PIWIL4: variants seen among roughly 807,000 people sequenced by gnomAD.
PIWIL4 encodes piwi like RNA-mediated gene silencing 4.
In PIWIL4, 50 loss-of-function variants were observed where a neutral mutation model predicts 100.9. The ratio of observed to expected loss-of-function variants is 0.50; its 90% CI spans 0.39 to 0.63. PIWIL4 has a LOEUF of 0.63. Among genes scored for constraint, PIWIL4 ranks in the 20% least tolerant of loss-of-function variants. PIWIL4 has a pLI of 0.00. For synonymous variants in PIWIL4, 342 were observed against 367.5 expected, an observed-to-expected ratio of 0.93 and a Z score of 0.79; for missense variants, 887 against 1,043.3, an observed-to-expected ratio of 0.85 and a Z score of 2.06.
chr11:94,592,985 G>A (rs937029812), intron 8 of PIWIL4, among the ~76,000 whole-genome samples: 2 of 152,208 alleles, frequency 1.3e-5, no homozygotes, highest in Non-Finnish European at 2.9e-5. Flanking sequence ...CTGGGGATCA[G>A]ATTCACATTT....
chr11:94,592,231 C>T (rs549063121), intron 8 of PIWIL4, among the ~76,000 whole-genome samples: 2 of 152,336 alleles, frequency 1.3e-5, no homozygotes, highest in African/African-American at 4.8e-5. Flanking sequence ...GTTATGGAGC[C>T]TTGGGAAGAT....
chr11:94,600,648 C>T (rs1443728269), intron 11 of PIWIL4, among the ~76,000 whole-genome samples: 1 of 152,078 alleles, frequency 6.6e-6, no homozygotes, highest in African/African-American at 2.4e-5. Flanking sequence ...GTTTTGAGAG[C>T]AACCGGTCTG....
At position 94,577,421 on chromosome 11, in the gene PIWIL4, A is replaced by T. The variant is rs1189941753; in HGVS notation, c.442A>T (p.Ser148Cys). 7 of 1,614,096 alleles carry T rather than the reference A, an allele frequency of 4.3e-6. No homozygotes were observed. The highest frequency in any genetic ancestry group is 5.9e-6 in the Non-Finnish European group (7 of 1,179,998). Residue 148 changes from serine (S) to cysteine (C), a missense_variant, in exon 4 of 20, where the codon AGT (serine) becomes TGT (cysteine). Physicochemically the swap from Ser to Cys is moderately radical, Grantham distance 112. Transcript: ENST00000299001. ...GAGAATTGCTTTACTTTATAGTCATAGTGAACTTTCCAACAAAGCAAAAGC... is the reference window on the plus strand; with the variant it reads ...GAGAATTGCTTTACTTTATAGTCATTGTGAACTTTCCAACAAAGCAAAAGC... The part of the protein sequence containing the change: ...RLRIALLYSH[S>C]ELSNKAKAFD...
intron 3 of PIWIL4, 58 bp from the exon 4 acceptor site, chr11:94,577,220 A>C (rs1948249701): frequency 7.4e-7 from 1 of 1,345,156 alleles, no homozygotes; most frequent in African/African-American, 1.5e-5. Flanking sequence ...TGGTGTGATT[A>C]ATATTAACAT....
rs2135276950 is a variant in PIWIL4, at chr11:94,597,911, A to G, written c.1376A>G (p.His459Arg). 1 of 1,599,944 alleles carries G rather than the reference A, an allele frequency of 6.3e-7. No individual in the cohort carries two copies. Among genetic ancestry groups the G allele is most frequent in the East Asian group, 2.2e-5 (1 of 44,774 alleles). Residue 459 changes from histidine to arginine, a missense_variant, in exon 11 of 20, where the codon CAC (histidine) becomes CGC (arginine). Physicochemically the swap from His to Arg is conservative, Grantham distance 29. Transcript: ENST00000299001. The part of the protein sequence containing the change: ...VPSEKILMQD[H>R]ICQPVSAADW... ...TCAGAAAAAATATTAATGCAAGACC[A>G]CATAGTAAGTGCTGTGATTTTATTT...
chr11:94,616,060 A>G (rs1266539220), intron 15 of PIWIL4, among the ~76,000 whole-genome samples: 1 of 152,268 alleles, frequency 6.6e-6, no homozygotes, highest in Non-Finnish European at 1.5e-5. Flanking sequence ...TTAATTTATA[A>G]CAATAATAGT....
intron 8 of PIWIL4, among the ~76,000 whole-genome samples, chr11:94,591,391 G>T (rs1259003928): frequency 6.6e-6 from 1 of 152,244 alleles, no homozygotes; most frequent in African/African-American, 2.4e-5. Context: ...CACACACGTA[G>T]AAGAGCAAGC....
In PIWIL4 at chr11:94,619,841, C is replaced by G; in HGVS notation, c.2250C>G (p.Pro750=). The change falls in exon 18 of 20, where the codon CCC becomes CCG. Residue 750 remains proline, a synonymous_variant. Coordinates refer to ENST00000299001, the MANE Select transcript of PIWIL4 (RefSeq NM_152431.3). ...AAATGAACCGCACTGTACAGAACCC[C>G]CCACTTGGCACTGTTGTGGATTCAG... ...FTEMNRTVQN[P]PLGTVVDSEA... is the part of the protein sequence containing the mutation. 6.2e-7 allele frequency: 1 copy of G among 1,614,198 alleles called. No individual in the cohort carries two copies. Among genetic ancestry groups the G allele is most frequent in the Non-Finnish European group, 8.5e-7 (1 of 1,180,044 alleles).
At chr11:94,587,370 A>G in intron 7 of PIWIL4, 123 bp downstream of exon 7, 4 of 1,052,408 alleles carry the variant, frequency 3.8e-6, no homozygotes, top group Non-Finnish European at 5.4e-6. Context: ...TCATCTGTTT[A>G]GAAGACCTGG....
intron 8 of PIWIL4, among the ~76,000 whole-genome samples, chr11:94,590,278 A>C (rs555916848): frequency 6.6e-6 from 1 of 152,288 alleles, no homozygotes; most frequent in South Asian, 2.1e-4. Flanking sequence ...CTTATCCTAA[A>C]GGGCTTTCAG....
intron 8 of PIWIL4, among the ~76,000 whole-genome samples, chr11:94,592,560 C>T (rs1043395018): frequency 6.6e-6 from 1 of 152,172 alleles, no homozygotes; most frequent in African/African-American, 2.4e-5. Context: ...AAATGAGATT[C>T]TTGACTTGGT....
intron 11 of PIWIL4, 54 bp downstream of exon 11, chr11:94,597,969 G>A: frequency 2.1e-6 from 3 of 1,402,284 alleles, no homozygotes; most frequent in Non-Finnish European, 3.0e-6. Context: ...ATATGTGTAA[G>A]TTTTGTGCAT....
At position 94,617,970 on chromosome 11, in the gene PIWIL4, G is replaced by A. The variant is rs1316864721; in HGVS notation, c.2031G>A (p.Trp677Ter). The A allele has an allele frequency of 6.2e-7, 1 of 1,613,876 alleles. No homozygotes were observed. The highest frequency in any genetic ancestry group is 2.2e-5 in the East Asian group (1 of 44,874). Reference sequence around the variant, plus strand: ...ATTCTGCAGGAGCACTCAACAAATGGTACAAGTACAATCATGATTTGCCAG... The same window carrying A: ...ATTCTGCAGGAGCACTCAACAAATGATACAAGTACAATCATGATTTGCCAG... Reference protein sequence around the residue: ...KVFMTGALNKWYKYNHDLPAR... With the variant: ...KVFMTGALNK The change falls in exon 17 of 20, where the codon TGG becomes TGA. Residue 677 changes from tryptophan (W) to a stop codon, truncating the protein, a stop_gained. Coordinates refer to ENST00000299001, the MANE Select transcript of PIWIL4 (RefSeq NM_152431.3). LOFTEE classifies it high-confidence loss of function.
intron 13 of PIWIL4, among the ~76,000 whole-genome samples, chr11:94,604,313 G>A (rs767117983): frequency 5.9e-5 from 9 of 151,960 alleles, no homozygotes; most frequent in Non-Finnish European, 8.8e-5. Flanking sequence ...CAACTCATTG[G>A]GGTCATCTTT....
chr11:94,605,515 C>T (rs1348896837), intron 13 of PIWIL4, among the ~76,000 whole-genome samples: 1 of 152,216 alleles, frequency 6.6e-6, no homozygotes, highest in East Asian at 1.9e-4. Flanking sequence ...GATTTCTCCA[C>T]TGTAAAGTTA....
At chr11:94,599,885 A>G (rs1187877598) in intron 11 of PIWIL4, among the ~76,000 whole-genome samples, 2 of 152,134 alleles carry the variant, frequency 1.3e-5, no homozygotes, top group East Asian at 1.9e-4. Context: ...GGGACATGTT[A>G]ACATGCAGAT....
At chr11:94,620,498 G>A (rs1948893884) in intron 19 of PIWIL4, among the ~76,000 whole-genome samples, 1 of 152,172 alleles carries the variant, frequency 6.6e-6, no homozygotes. Context: ...TGCCTGGTGG[G>A]GAAGTGTTAA....
chr11:94,601,138 A>G (rs1948633409), intron 11 of PIWIL4, among the ~76,000 whole-genome samples: 1 of 151,778 alleles, frequency 6.6e-6, no homozygotes, highest in Non-Finnish European at 1.5e-5. Flanking sequence ...TCACAAAGGT[A>G]TTGATTGAGG....
chr11:94,577,404 C>T lies in PIWIL4; in HGVS notation c.425C>T (p.Ala142Val), dbSNP rs745900074. The T allele has an allele frequency of 6.8e-6, 11 of 1,614,112 alleles. No individual in the cohort carries two copies. The highest frequency in any genetic ancestry group is 9.3e-6 in the Non-Finnish European group (11 of 1,179,974). Residue 142 changes from alanine to valine, a missense_variant, in exon 4 of 20, where the codon GCT becomes GTT. By Grantham distance (64) the Ala-to-Val change is moderately conservative. This residue lies in a region of PIWIL4 where 741 missense variants were observed against 930.0 expected (regional missense o/e 0.80). Coordinates refer to ENST00000299001, the MANE Select transcript of PIWIL4 (RefSeq NM_152431.3). ...TTAGCATCTAGAAGGCTGAGAATTG[C>T]TTTACTTTATAGTCATAGTGAACTT... The part of the protein sequence containing the change: ...PDLASRRLRI[A>V]LLYSHSELSN...
Sources: allele counts gnomAD v4.1 joint callset (sites outside exome capture counted in the v4.1 genomes callset), GRCh38; gene constraint gnomAD v4.1.1; regional missense constraint gnomAD v4.1.1; transcripts MANE v1.5; gene names NCBI Gene and HGNC (gene_info 2026-07-23, HGNC 2026-07-21).